The following NEB variants were observed in gnomAD, a reference collection of about 807,000 sequenced individuals.
NEB encodes nemaline myopathy type 2.
Under a neutral mutation model 952.2 loss-of-function variants are expected in NEB, and 512 were observed. The ratio of observed to expected loss-of-function variants is 0.54; its 90% confidence interval spans 0.50 to 0.58. The LOEUF (loss-of-function observed/expected upper bound fraction) is 0.58, where lower values mean the gene tolerates loss of function less well. Among genes scored for constraint, NEB ranks in the 20% least tolerant of loss-of-function variants. The pLI, the probability that NEB is intolerant of heterozygous loss-of-function variation, is 0.00. For missense variants in NEB, 8,428 were observed against 9,231.1 expected (o/e 0.91, Z 3.56); for synonymous variants, 2,900 against 3,149.8 (o/e 0.92, Z 2.66).
At chr2:151,670,029 C>T (rs748766619) in intron 38 of NEB, among the ~76,000 whole-genome samples, 14 of 152,074 alleles carry the variant, frequency 9.2e-5, no homozygotes, top group African/African-American at 4.8e-5. Flanking sequence ...GCTTGAGTAA[C>T]GAGGTAGATG....
intron 181 of NEB, among the ~76,000 whole-genome samples, chr2:151,486,986 AAAAG>A (rs2051059839): frequency 6.6e-6 from 1 of 152,198 alleles, no homozygotes; most frequent in Non-Finnish European, 1.5e-5. Context: ...TGGTTGGAAA[AAAAG>A]CTTAAAATCA....
intron 69 of NEB, 118 bp downstream of exon 69, chr2:151,627,405 T>G: frequency 6.8e-7 from 1 of 1,473,800 alleles, no homozygotes; most frequent in Non-Finnish European, 9.2e-7. Context: ...GCCTAAAAAA[T>G]GAGCAGAGAG....
At chr2:151,578,810 G>A (rs2153826549) in intron 105 of NEB, among the ~76,000 whole-genome samples, 1 of 151,996 alleles carries the variant, frequency 6.6e-6, no homozygotes, top group Non-Finnish European at 1.5e-5. Flanking sequence ...GGCTGGGCAT[G>A]GTGGCTCACT....
Position 151,546,394 on chromosome 2 carries a change from A to G in NEB, c.20417T>C (p.Leu6806Pro), listed in dbSNP as rs767873861. 7 of 1,613,534 alleles carry G rather than the reference A, an allele frequency of 4.3e-6. No individual in the cohort carries two copies. The highest frequency in any genetic ancestry group is 1.6e-4 in the Middle Eastern group (1 of 6,072). ...GCGGACCATGTCAGGAGTGTCATAC[A>G]GGAAGCAGCCAAATCCCTTCAGGAC... Reference protein sequence around the residue: ...LQVLKGFGCFLYDTPDMVRSR... With the variant: ...LQVLKGFGCFPYDTPDMVRSR... The change falls in exon 134 of 182, where the codon CTG becomes CCG. Residue 6806 changes from leucine (L) to proline (P), a missense_variant. Physicochemically the swap from Leu to Pro is moderately conservative, Grantham distance 98. Around this residue, in one of 11 missense-constraint regions of NEB, gnomAD observed 3,374 missense variants for 3,651.5 expected, o/e 0.92. Coordinates refer to ENST00000397345, the MANE Select transcript of NEB (RefSeq NM_001164508.2).
At chr2:151,638,870 C>T (rs897498989) in intron 63 of NEB, among the ~76,000 whole-genome samples, 19 of 151,524 alleles carry the variant, frequency 1.3e-4, no homozygotes, top group Non-Finnish European at 5.9e-5. Flanking sequence ...GATTTTAGTT[C>T]TTGCCTTTAA....
chr2:151,495,119 TTAAG>T (rs2059356470), intron 173 of NEB: 1 of 152,366 alleles, frequency 6.6e-6, no homozygotes, highest in East Asian at 1.9e-4. Context: ...CAGCTTATCA[TTAAG>T]GAATAAGGTT....
chr2:151,665,821 A>G (rs1380342298), intron 41 of NEB, among the ~76,000 whole-genome samples: 1 of 152,246 alleles, frequency 6.6e-6, no homozygotes, highest in Non-Finnish European at 1.5e-5. Flanking sequence ...AAGGAAAATT[A>G]TATAACATCT....
At chr2:151,652,989 G>A (rs898208725) in intron 52 of NEB, among the ~76,000 whole-genome samples, 1 of 152,144 alleles carries the variant, frequency 6.6e-6, no homozygotes, top group Admixed American at 6.5e-5. Flanking sequence ...TGGAGAGTGG[G>A]TAATAATATA....
chr2:151,519,871 G>T, intron 153 of NEB, 103 bp from the exon 154 acceptor site: 1 of 724,340 alleles, frequency 1.4e-6, no homozygotes. Flanking sequence ...ATTGTACATA[G>T]AGTGATCATA....
chr2:151,655,359 C>A lies in NEB; in HGVS notation c.6718G>T (p.Asp2240Tyr), dbSNP rs758153518. Residue 2240 changes from aspartate to tyrosine, a missense_variant, in exon 51 of 182, where the codon GAT (aspartate) becomes TAT (tyrosine). Asp to Tyr is a radical substitution (Grantham distance 160, BLOSUM62 -3). Around this residue, in one of 11 missense-constraint regions of NEB, gnomAD observed 2,851 missense variants for 2,791.5 expected, o/e 1.02. Transcript: ENST00000397345. ...HTMNKHLYTI[D>Y]WNKDKTKIHV... ...ATCTTGGTCTTATCTTTATTCCAAT[C>A]AATGGTGTATAAATGCTAGGAAGTG... 6.3e-7 allele frequency: 1 copy of A among 1,583,396 alleles called. No individual in the cohort carries two copies. The highest frequency in any genetic ancestry group is 8.6e-7 in the Non-Finnish European group (1 of 1,158,916).
At chr2:151,655,396 C>T (rs2099076796) in intron 50 of NEB, 22 bp from the exon 51 acceptor site, 9 of 1,397,914 alleles carry the variant, frequency 6.4e-6, no homozygotes, top group Middle Eastern at 1.8e-4. Context: ...GAAAAAAAGA[C>T]ATGAAATTTG....
At position 151,677,906 on chromosome 2, in the gene NEB, C is replaced by T. The variant is rs1049899161; in HGVS notation, c.3537G>A (p.Leu1179=). 2 of 1,612,514 alleles carry T rather than the reference C, an allele frequency of 1.2e-6. No homozygotes were observed. The highest frequency in any genetic ancestry group is 1.3e-5 in the African/African-American group (1 of 74,870). ...TCTGTATCTGCATCATGTTCTTAGA[C>T]AGCTCCAGGTCCATGGCGTCAGGCA... ...TYLPDAMDLE[L]SKNMMQIQSD... The change falls in exon 33 of 182, where the codon CTG becomes CTA. Residue 1179 remains leucine (L), a synonymous_variant. Transcript: ENST00000397345.
chr2:151,508,514 G>A (rs1041177250), intron 161 of NEB, among the ~76,000 whole-genome samples: 4 of 152,210 alleles, frequency 2.6e-5, no homozygotes, highest in African/African-American at 9.7e-5. Flanking sequence ...GAGAGAAGCT[G>A]GAGGGTTAAG....
chr2:151,679,661 A>AGCCCCCCCCCCCCCCCC, intron 32 of NEB, 60 bp downstream of exon 32: 18 of 492,370 alleles, frequency 3.7e-5, no homozygotes, highest in East Asian at 5.0e-5. Context: ...TCATCGTCAG[A>AGCCCCCCCCCCCCCCCC]CCCCAAGCCC....
chr2:151,724,537 T>G (rs1333086287), intron 7 of NEB, among the ~76,000 whole-genome samples, 173 bp from the exon 8 acceptor site: 3 of 152,198 alleles, frequency 2.0e-5, no homozygotes, highest in Non-Finnish European at 4.4e-5. Flanking sequence ...ATAGTCAGCT[T>G]TTGATTGAAA....
At chr2:151,639,727 G>T in intron 62 of NEB, 130 bp downstream of exon 62, 1 of 736,150 alleles carries the variant, frequency 1.4e-6, no homozygotes, top group Non-Finnish European at 2.2e-6. Flanking sequence ...TAGATGAGAA[G>T]CCAATAGATA....
chr2:151,499,239 C>T, intron 169 of NEB, 59 bp downstream of exon 169: 1 of 890,804 alleles, frequency 1.1e-6, no homozygotes, highest in South Asian at 1.7e-5. Context: ...TAAAATCTAG[C>T]CATTAATCTT....
intron 92 of NEB, among the ~76,000 whole-genome samples, chr2:151,594,572 A>G (rs2097362400): frequency 6.8e-6 from 1 of 146,456 alleles, no homozygotes; most frequent in African/African-American, 2.5e-5. Context: ...GCTAACATTT[A>G]CTAAGTAATT....
intron 105 of NEB, among the ~76,000 whole-genome samples, chr2:151,577,895 T>C (rs2096936685): frequency 1.3e-5 from 2 of 152,340 alleles, no homozygotes; most frequent in South Asian, 4.1e-4. Flanking sequence ...ATGTTTTTTC[T>C]TCTTCTTTAT....
Sources: gnomAD v4.1 joint callset for allele counts (sites outside exome capture counted in the v4.1 genomes callset) on GRCh38, gnomAD v4.1.1 for gene constraint, gnomAD v4.1.1 regional missense constraint, MANE v1.5 for transcripts, NCBI Gene and HGNC (gene_info 2026-07-23, HGNC 2026-07-21) for gene names.